SWAP70: variants seen among roughly 807,000 people sequenced by gnomAD.
SWAP70 encodes the protein switch-associated protein 70.
In SWAP70, 34 loss-of-function variants were observed where a neutral mutation model predicts 80.2. That is an observed-to-expected ratio of 0.42 (90% CI 0.32 to 0.56). The LOEUF is 0.56. Ranked by LOEUF, SWAP70 falls within the 20% of genes least tolerant of loss-of-function variation. The pLI is 0.09. For missense variants in SWAP70, 578 were observed against 690.7 expected, an observed-to-expected ratio of 0.84 and a Z score of 1.83; for synonymous variants, 239 against 238.5, an observed-to-expected ratio of 1.00 and a Z score of -0.02.
chr11:9,716,899 A>G (rs997212566), intron 3 of SWAP70, among the ~76,000 whole-genome samples: 3 of 152,178 alleles, frequency 2.0e-5, no homozygotes, highest in African/African-American at 4.8e-5. Context: ...CAGAAAGAGG[A>G]AGTCGATTTG....
At chr11:9,739,607 CTG>C (rs1851409420) in intron 8 of SWAP70, among the ~76,000 whole-genome samples, 1 of 152,188 alleles carries the variant, frequency 6.6e-6, no homozygotes, top group African/African-American at 2.4e-5. Context: ...ATTCAAAACT[CTG>C]TAATCCAGAA....
chr11:9,708,960 C>T (rs1224679229), intron 2 of SWAP70, among the ~76,000 whole-genome samples: 1 of 152,182 alleles, frequency 6.6e-6, no homozygotes, highest in Non-Finnish European at 1.5e-5. Flanking sequence ...TGAATTTGTA[C>T]AGCAGCATGA....
intron 9 of SWAP70, 77 bp downstream of exon 9, chr11:9,740,424 C>G (rs1414425009): frequency 2.1e-6 from 3 of 1,427,462 alleles, no homozygotes; most frequent in Non-Finnish European, 3.0e-6. Context: ...GACTAACACT[C>G]TGGTGGAGAG....
intron 2 of SWAP70, among the ~76,000 whole-genome samples, chr11:9,707,191 C>T (rs187433314): frequency 6.6e-6 from 1 of 152,142 alleles, no homozygotes; most frequent in East Asian, 1.9e-4. Context: ...GTAAATTTAT[C>T]CTCAACAGTT....
Position 9,729,460 on chromosome 11 carries a change from A to AT in SWAP70, c.898+15dup, listed in dbSNP as rs778934043. 20 of 1,550,714 alleles carry AT rather than the reference A, an allele frequency of 1.3e-5. No homozygotes were observed. Among genetic ancestry groups the AT allele is most frequent in the East Asian group, 2.2e-5 (1 of 44,536 alleles). ...ACAGGAGTGGATTCAAGGTAAGGTG[A>AT]TTTTTTATTATTTGCCATGATATAA... On this transcript the variant is annotated intron_variant, in intron 6 of 11. Transcript: ENST00000318950.
intron 1 of SWAP70, among the ~76,000 whole-genome samples, chr11:9,679,720 G>A (rs1001897604): frequency 6.6e-6 from 1 of 152,092 alleles, no homozygotes; most frequent in Non-Finnish European, 1.5e-5. Context: ...CCAGGCTGGA[G>A]TGTGGTGGTG....
chr11:9,691,968 C>T (rs1850702472), intron 1 of SWAP70, among the ~76,000 whole-genome samples: 1 of 152,126 alleles, frequency 6.6e-6, no homozygotes, highest in South Asian at 2.1e-4. Flanking sequence ...TAAAGCTATC[C>T]TTACCTATCC....
intron 6 of SWAP70, 31 bp downstream of exon 6, chr11:9,729,482 A>G (rs1326689500): frequency 4.0e-6 from 6 of 1,485,466 alleles, no homozygotes; most frequent in Non-Finnish European, 5.6e-6. Flanking sequence ...TTGCCATGAT[A>G]TAACTTGAAA....
At chr11:9,683,940 G>T (rs539471949) in intron 1 of SWAP70, among the ~76,000 whole-genome samples, 1 of 152,186 alleles carries the variant, frequency 6.6e-6, no homozygotes, top group East Asian at 1.9e-4. Context: ...GACCATGCGG[G>T]GTCAGGTTGG....
Position 9,750,708 on chromosome 11 carries a change from G to C in SWAP70, c.*738G>C, listed in dbSNP as rs1472054355. The C allele has an allele frequency of 6.6e-6, 1 of 152,304 alleles. No homozygotes were observed. The highest frequency in any genetic ancestry group is 1.5e-5 in the Non-Finnish European group (1 of 68,120). 9.4% of individuals were successfully genotyped at this position (152,304 alleles called of 1,614,324 possible). ...TTTGGCAGCGTGTTTCCTTTTCCGAGTATGTGCTGTTAAACTAGATTGGCC... is the reference window on the plus strand; with the variant it reads ...TTTGGCAGCGTGTTTCCTTTTCCGACTATGTGCTGTTAAACTAGATTGGCC... On this transcript the variant is annotated 3_prime_UTR_variant, in exon 12 of 12. Transcript: ENST00000318950.
intron 1 of SWAP70, among the ~76,000 whole-genome samples, chr11:9,686,548 T>C (rs1228815198): frequency 2.6e-5 from 4 of 151,634 alleles, no homozygotes; most frequent in Admixed American, 2.6e-4. Context: ...AGGGTCTTAC[T>C]TTGTTGCCCA....
chr11:9,695,807 GT>G (rs1455732913), intron 2 of SWAP70, among the ~76,000 whole-genome samples: 4 of 151,596 alleles, frequency 2.6e-5, no homozygotes, highest in African/African-American at 7.3e-5. Flanking sequence ...GGCAATAGTT[GT>G]TTTTTTTGAG....
At chr11:9,677,157 G>A (rs555108532) in intron 1 of SWAP70, among the ~76,000 whole-genome samples, 1 of 151,680 alleles carries the variant, frequency 6.6e-6, no homozygotes, top group South Asian at 2.1e-4. Flanking sequence ...TTAAATTATG[G>A]TATAAATTTG....
intron 1 of SWAP70, among the ~76,000 whole-genome samples, chr11:9,693,463 TC>T (rs1281300794): frequency 6.6e-6 from 1 of 152,214 alleles, no homozygotes; most frequent in Non-Finnish European, 1.5e-5. Context: ...TGTTGGCGAC[TC>T]CTATTTTTGC....
chr11:9,720,077 A>G (rs1268096711), intron 3 of SWAP70: 2 of 985,288 alleles, frequency 2.0e-6, no homozygotes, highest in African/African-American at 1.7e-5. Flanking sequence ...GAATTGATGC[A>G]GGCCACTAGA....
rs768917552 is a variant in SWAP70 at position 9,724,747 on chromosome 11, C to T, written c.504C>T (p.Asp168=). Residue 168 remains aspartate, a synonymous_variant, in exon 4 of 12, where the codon GAC becomes GAT. Transcript: ENST00000318950. Reference sequence around the variant, plus strand: ...AACATTATAAAATCAACTTTGATGACAGTAAAAATGGCCTTTCTGCATGGG... The same window carrying T: ...AACATTATAAAATCAACTTTGATGATAGTAAAAATGGCCTTTCTGCATGGG... ...QFEHYKINFD[D]SKNGLSAWEL... is the part of the protein sequence containing the mutation. 3 of 1,614,030 alleles carry T rather than the reference C, an allele frequency of 1.9e-6. No individual in the cohort carries two copies. The highest frequency in any genetic ancestry group is 1.7e-6 in the Non-Finnish European group (2 of 1,179,974).
intron 2 of SWAP70, among the ~76,000 whole-genome samples, chr11:9,697,386 A>C (rs977385861): frequency 4.6e-5 from 7 of 151,600 alleles, no homozygotes; most frequent in African/African-American, 1.7e-4. Flanking sequence ...AGGCTCAAGC[A>C]ATTCTCCTGG....
At chr11:9,672,195 C>CTATATA (rs57590750) in intron 1 of SWAP70, among the ~76,000 whole-genome samples, 6,531 of 78,270 alleles carry the variant, frequency 0.083, 524 homozygotes, top group South Asian at 0.11. Flanking sequence ...ATGTGTGTGT[C>CTATATA]TATATATATA....
intron 3 of SWAP70, 101 bp downstream of exon 3, chr11:9,713,740 C>G: frequency 7.5e-7 from 1 of 1,336,288 alleles, no homozygotes; most frequent in Non-Finnish European, 1.0e-6. Flanking sequence ...GGAAGGAGAT[C>G]CTTGGCTAGT....
Sources: gnomAD v4.1 joint callset for allele counts (sites outside exome capture counted in the v4.1 genomes callset) on GRCh38, gnomAD v4.1.1 for gene constraint, MANE v1.5 for transcripts, NCBI Gene and HGNC (gene_info 2026-07-23, HGNC 2026-07-21) for gene names.